Variants in ASPG observed in about 807,000 individuals in gnomAD.
ASPG encodes the protein 60 kDa lysophospholipase.
Under a neutral mutation model 63.2 loss-of-function variants are expected in ASPG, and 53 were observed. The ratio of observed to expected loss-of-function variants is 0.84; its 90% CI spans 0.67 to 1.05. The LOEUF (loss-of-function observed/expected upper bound fraction) is 1.05, where lower values mean the gene tolerates loss of function less well. Ranked by LOEUF, ASPG falls within the 50% of genes least tolerant of loss-of-function variation. The pLI, the probability that ASPG is intolerant of heterozygous loss-of-function variation, is 0.00. For synonymous variants in ASPG, 370 were observed against 355.0 expected, an observed-to-expected ratio of 1.04 and a Z score of -0.48; for missense variants, 741 against 794.4, an observed-to-expected ratio of 0.93 and a Z score of 0.81.
In ASPG at chr14:104,104,640, G is replaced by A. The variant is rs537937943; in HGVS notation, c.955G>A (p.Val319Ile). Residue 319 changes from valine (V) to isoleucine (I), a missense_variant, in exon 9 of 16, where the codon GTC (valine) becomes ATC (isoleucine). Physicochemically the swap from Val to Ile is conservative, Grantham distance 29. Coordinates refer to ENST00000551177, the MANE Select transcript of ASPG (RefSeq NM_001080464.3). ...AAGMAMAGAG[V>I]ISGFDMTSEA... is the part of the protein sequence containing the mutation. Reference sequence around the variant, plus strand: ...CTCACAGGCCATGGCGGGAGCCGGCGTCATCTCAGGCTTCGACATGACATC... The same window carrying A: ...CTCACAGGCCATGGCGGGAGCCGGCATCATCTCAGGCTTCGACATGACATC... 153 of 1,609,738 alleles carry A rather than the reference G, an allele frequency of 9.5e-5. No individual in the cohort carries two copies. The East Asian group carries it at 1.9e-3, about 20-fold the overall frequency.
At chr14:104,089,149 T>A (rs574812256) in intron 1 of ASPG, among the ~76,000 whole-genome samples, 1 of 151,682 alleles carries the variant, frequency 6.6e-6, no homozygotes, top group Non-Finnish European at 1.5e-5. Context: ...GCCTCCCGAG[T>A]AGCTGGGACT....
At chr14:104,087,425 C>T (rs1241528181) in intron 1 of ASPG, among the ~76,000 whole-genome samples, 2 of 152,196 alleles carry the variant, frequency 1.3e-5, no homozygotes, top group Non-Finnish European at 2.9e-5. Context: ...GGGCTGTGGG[C>T]TGATAACAGG....
chr14:104,111,172 CGTGT>C (rs564356572), intron 13 of ASPG: 15 of 984,966 alleles, frequency 1.5e-5, no homozygotes, highest in Non-Finnish European at 1.8e-5. Flanking sequence ...CACATATGCT[CGTGT>C]GTGTGTGCAT....
intron 10 of ASPG, among the ~76,000 whole-genome samples, chr14:104,106,145 G>T (rs2037118945): frequency 6.6e-6 from 1 of 152,258 alleles, no homozygotes; most frequent in South Asian, 2.1e-4. Context: ...GGACTGGCGT[G>T]CATGGCCTGT....
rs369466318 is a variant in ASPG, at chr14:104,095,542, G to C, written c.315G>C (p.Glu105Asp). The C allele has an allele frequency of 6.2e-7, 1 of 1,612,982 alleles. No homozygotes were observed. Among genetic ancestry groups the C allele is most frequent in the South Asian group, 1.1e-5 (1 of 91,086 alleles). Residue 105 changes from glutamate (E) to aspartate (D), a missense_variant, in exon 4 of 16, where the codon GAG becomes GAC. Transcript: ENST00000551177. Reference protein sequence around the residue: ...CLAQTIKRHYEQYHGFVVIHG... With the variant: ...CLAQTIKRHYDQYHGFVVIHG... ...CGCCCCTCCTGCAGAGGCACTACGAGCAGTACCACGGCTTTGTGGTCATCC... is the reference window on the plus strand; with the variant it reads ...CGCCCCTCCTGCAGAGGCACTACGACCAGTACCACGGCTTTGTGGTCATCC...
At position 104,110,073 on chromosome 14, in the gene ASPG, T is replaced by C; in HGVS notation, c.1520+758T>C. The C allele has an allele frequency of 1.0e-6, 1 of 985,382 alleles. No homozygotes were observed. The highest frequency in any genetic ancestry group is 1.2e-6 in the Non-Finnish European group (1 of 829,916). 61.0% of individuals were successfully genotyped at this position (985,382 alleles called of 1,614,324 possible). ...TGCCTGGTGACTTGGCGCTGCCTCC[T>C]GTGCCCAGCCTGGGCTGCCCGAGGC... On this transcript the variant is annotated intron_variant, in intron 13 of 15. Transcript: ENST00000551177. This position sits in a 1 kb window ranked among gnomAD's most constrained non-coding sequence, Gnocchi z 4.7.
intron 6 of ASPG, among the ~76,000 whole-genome samples, chr14:104,099,538 G>A (rs1272260397): frequency 1.3e-5 from 2 of 152,172 alleles, no homozygotes; most frequent in Non-Finnish European, 2.9e-5. Context: ...CTGAGACGCA[G>A]GGCCACTCCA....
chr14:104,093,278 T>C, intron 2 of ASPG: 1 of 629,700 alleles, frequency 1.6e-6, no homozygotes, highest in South Asian at 1.8e-5. Context: ...GAGTGGCCCA[T>C]CCTGACCTAC....
Position 104,089,947 on chromosome 14 carries a change from CAAAAAAAAAAA to C in ASPG, c.83-2669_83-2659del, listed in dbSNP as rs58405958. 1.1e-4 allele frequency among the ~76,000 whole-genome samples: 6 copies of C among 56,352 alleles called. No individual in the cohort carries two copies. In the East Asian group the frequency reaches 1.8e-3, roughly 17 times the overall value. 37.0% of individuals were successfully genotyped at this position (56,352 alleles called of 152,430 possible). A position where few individuals can be genotyped will look rare whatever the true frequency, so the allele number is the denominator to read the frequency against. ...TGGGCAACAGAGTGAGACTCTGCCTCAAAAAAAAAAAAAAAAAAAAAAAAAAAGGAAGAAAG... is the reference window on the plus strand; with the variant it reads ...TGGGCAACAGAGTGAGACTCTGCCTCAAAAAAAAAAAAAAAAGGAAGAAAG... On this transcript the variant is annotated intron_variant, in intron 1 of 15. Transcript: ENST00000551177.
chr14:104,098,490 C>T (rs1227373321), intron 5 of ASPG, among the ~76,000 whole-genome samples: 2 of 152,214 alleles, frequency 1.3e-5, no homozygotes, highest in Admixed American at 1.3e-4. Context: ...AGCAGCTGTG[C>T]TCGCTGCACC....
Position 104,107,334 on chromosome 14 carries a change from CGTGCGGGGCAG to C in ASPG, c.1425_1433+2del. On this transcript the variant is annotated frameshift_variant and splice_region_variant, in exon 12 of 16. Coordinates refer to ENST00000551177, the MANE Select transcript of ASPG (RefSeq NM_001080464.3). LOFTEE classifies it high-confidence loss of function. ...ATGGCTTCAGCCCGCTGCTGCTGGC[CGTGCGGGGCAG>C]GTAATGGAGCTAGGGCTGCACAGAG... 1 of 1,580,610 alleles carries C rather than the reference CGTGCGGGGCAG, an allele frequency of 6.3e-7. No homozygotes were observed. The highest frequency in any genetic ancestry group is 8.6e-7 in the Non-Finnish European group (1 of 1,161,356).
rs2037384804 is a variant in ASPG, at chr14:104,111,581, G to A, written c.1600G>A (p.Gly534Arg). The A allele has an allele frequency of 5.8e-6, 9 of 1,550,700 alleles. No individual in the cohort carries two copies. The highest frequency in any genetic ancestry group is 2.7e-5 in the African/African-American group (2 of 73,046). The change falls in exon 14 of 16, where the codon GGG becomes AGG. Residue 534 changes from glycine to arginine, a missense_variant. Coordinates refer to ENST00000551177, the MANE Select transcript of ASPG (RefSeq NM_001080464.3). ...GADLGQPGYD[G>R]HSALHVAEAA... ...TGACCTGGGGCAGCCGGGCTATGAC[G>A]GGCACAGCGCCCTGCACGTCGTGAG...
At chr14:104,099,083 C>A in intron 6 of ASPG, 104 bp downstream of exon 6, 2 of 1,475,054 alleles carry the variant, frequency 1.4e-6, no homozygotes, top group Non-Finnish European at 1.8e-6. Context: ...TTTGAGAGCA[C>A]CATGCTTGGT....
chr14:104,106,961 G>A (rs1420948217), intron 11 of ASPG, 67 bp downstream of exon 11: 4 of 1,467,208 alleles, frequency 2.7e-6, no homozygotes, highest in East Asian at 2.5e-5. Context: ...GAACCCTGTA[G>A]GCAGGACGGC....
intron 1 of ASPG, among the ~76,000 whole-genome samples, chr14:104,086,528 TG>T (rs2036225951): frequency 6.6e-6 from 1 of 152,134 alleles, no homozygotes; most frequent in South Asian, 2.1e-4. Flanking sequence ...GCTGCCAGCC[TG>T]GGCTGGGCAC....
chr14:104,104,286 C>T lies in ASPG; in HGVS notation c.754-18C>T. On this transcript the variant is annotated intron_variant, in intron 7 of 15. Coordinates refer to ENST00000551177, the MANE Select transcript of ASPG (RefSeq NM_001080464.3). ...GCAGAGACCCTCACCATCCAGCCCC[C>T]ACCCCACCGCCCCACAGGTTCGGGC... 6.2e-7 allele frequency: 1 copy of T among 1,604,364 alleles called. No individual in the cohort carries two copies. The highest frequency in any genetic ancestry group is 8.5e-7 in the Non-Finnish European group (1 of 1,174,648).
chr14:104,093,466 G>A (rs749055147), intron 2 of ASPG, 25 bp from the exon 3 acceptor site: 33 of 1,580,262 alleles, frequency 2.1e-5, no homozygotes, highest in East Asian at 4.5e-5. Flanking sequence ...CTGCTGTTCC[G>A]CCTCCTGCTG....
intron 4 of ASPG, among the ~76,000 whole-genome samples, chr14:104,097,035 C>T (rs1480402688): frequency 1.3e-5 from 2 of 152,228 alleles, no homozygotes; most frequent in Non-Finnish European, 2.9e-5. Context: ...CAGTTCCTTT[C>T]TGTCACAGCC....
Position 104,109,355 on chromosome 14 carries a change from G to A in ASPG, c.1520+40G>A, listed in dbSNP as rs2141055955. ...AGCACCTGCTCTTCCAGGGATGTGG[G>A]GGACACAGCTTGGGGAAGCGAAGCC... On this transcript the variant is annotated intron_variant, in intron 13 of 15. Transcript: ENST00000551177. This position sits in a 1 kb window ranked among gnomAD's most constrained non-coding sequence, Gnocchi z 4.8. 6.4e-7 allele frequency: 1 copy of A among 1,565,544 alleles called. No homozygotes were observed. The highest frequency in any genetic ancestry group is 2.3e-5 in the East Asian group (1 of 43,386).
Sources: gnomAD v4.1 joint callset for allele counts (sites outside exome capture counted in the v4.1 genomes callset) on GRCh38, gnomAD v4.1.1 for gene constraint, Gnocchi (gnomAD v3.1) non-coding constraint, MANE v1.5 for transcripts, NCBI Gene and HGNC (gene_info 2026-07-23, HGNC 2026-07-21) for gene names.